The following RNLS variants were observed in gnomAD, a reference collection of about 807,000 sequenced individuals.
RNLS encodes the protein renalase.
In RNLS, 39 loss-of-function variants were observed where a neutral mutation model predicts 39.8. That is an observed-to-expected ratio of 0.98 (90% CI 0.76 to 1.28). The LOEUF (loss-of-function observed/expected upper bound fraction) is 1.28. Among genes scored for constraint, RNLS ranks in the 50% most tolerant of loss-of-function variants. RNLS has a pLI of 0.00. For missense variants in RNLS, 410 were observed against 413.3 expected, an observed-to-expected ratio of 0.99 and a Z score of 0.07; for synonymous variants, 147 against 150.7, an observed-to-expected ratio of 0.98 and a Z score of 0.18.
At chr10:88,570,426 A>T (rs1849756364) in intron 4 of RNLS, among the ~76,000 whole-genome samples, 1 of 152,216 alleles carries the variant, frequency 6.6e-6, no homozygotes, top group Admixed American at 6.5e-5. Context: ...TTTTGGAAAC[A>T]CATTCATTCA....
At chr10:88,317,522 T>C (rs1845849434) in intron 5 of RNLS, among the ~76,000 whole-genome samples, 1 of 152,240 alleles carries the variant, frequency 6.6e-6, no homozygotes, top group African/African-American at 2.4e-5. Flanking sequence ...AATGGAAGAC[T>C]ATTCCTGGGT....
At chr10:88,245,306 A>G in the RNLS span, among the ~76,000 whole-genome samples, 1 of 152,196 alleles carries the variant, frequency 6.6e-6, no homozygotes, top group East Asian at 1.9e-4. Flanking sequence ...GTTCGTTCAA[A>G]AGATCTGAGA....
intron 4 of RNLS, among the ~76,000 whole-genome samples, chr10:88,396,406 A>G (rs948397815): frequency 5.3e-5 from 8 of 151,866 alleles, no homozygotes; most frequent in Non-Finnish European, 1.2e-4. Flanking sequence ...AATCCAAACT[A>G]GATTGTTGTA....
At chr10:88,241,405 A>G in the RNLS span, among the ~76,000 whole-genome samples, 1 of 152,190 alleles carries the variant, frequency 6.6e-6, no homozygotes, top group Non-Finnish European at 1.5e-5. Flanking sequence ...TAAAAATTGT[A>G]CAATGTATCT....
chr10:88,360,196 C>G (rs1031049883), intron 5 of RNLS, among the ~76,000 whole-genome samples: 2 of 152,156 alleles, frequency 1.3e-5, no homozygotes, highest in African/African-American at 4.8e-5. Flanking sequence ...GTACTTCCTT[C>G]CTTCTTCCTA....
At chr10:88,382,974 C>T (rs1237741234) in intron 4 of RNLS, among the ~76,000 whole-genome samples, 2 of 152,068 alleles carry the variant, frequency 1.3e-5, no homozygotes, top group African/African-American at 2.4e-5. Context: ...TTTAATTGTA[C>T]AAATTCATAT....
intron 1 of RNLS, among the ~76,000 whole-genome samples, 196 bp from the exon 2 acceptor site, chr10:88,582,503 T>C (rs899925204): frequency 6.6e-6 from 1 of 152,198 alleles, no homozygotes; most frequent in African/African-American, 2.4e-5. Flanking sequence ...ACCATTATAG[T>C]GCATATATTT....
chr10:88,535,836 A>T (rs1167655635), intron 4 of RNLS, among the ~76,000 whole-genome samples: 1 of 152,220 alleles, frequency 6.6e-6, no homozygotes, highest in Admixed American at 6.5e-5. Context: ...TGGAAATGGC[A>T]TATCTCAGAT....
At chr10:88,195,091 C>A in the RNLS span, among the ~76,000 whole-genome samples, 1 of 152,180 alleles carries the variant, frequency 6.6e-6, no homozygotes, top group South Asian at 2.1e-4. Context: ...GTGTAAGCAT[C>A]CAATGCATTC....
the RNLS span, among the ~76,000 whole-genome samples, chr10:88,225,742 C>T: frequency 6.6e-6 from 1 of 151,998 alleles, no homozygotes; most frequent in Non-Finnish European, 1.5e-5. Flanking sequence ...TAAAATAAAA[C>T]AAGTAGGGAC....
At chr10:88,526,162 T>C (rs1434343375) in intron 4 of RNLS, among the ~76,000 whole-genome samples, 1 of 151,968 alleles carries the variant, frequency 6.6e-6, no homozygotes, top group Non-Finnish European at 1.5e-5. Flanking sequence ...GTAGGTCTTT[T>C]GATTTTATAA....
the RNLS span, among the ~76,000 whole-genome samples, chr10:88,200,850 G>A: frequency 2.0e-5 from 3 of 152,136 alleles, no homozygotes; most frequent in East Asian, 5.8e-4. Flanking sequence ...TTATCTCCTG[G>A]TCCCGGGAAG....
At chr10:88,537,438 G>C (rs911373221) in intron 4 of RNLS, among the ~76,000 whole-genome samples, 1 of 152,150 alleles carries the variant, frequency 6.6e-6, no homozygotes, top group African/African-American at 2.4e-5. Context: ...TAATAGTACA[G>C]ACTGGAAAAC....
chr10:88,413,132 G>C (rs1853798496), intron 4 of RNLS, among the ~76,000 whole-genome samples: 1 of 152,094 alleles, frequency 6.6e-6, no homozygotes, highest in Non-Finnish European at 1.5e-5. Flanking sequence ...TTGAGACAAA[G>C]GTTTCCTGGT....
chr10:88,264,069 C>T, the RNLS span, among the ~76,000 whole-genome samples: 3 of 152,148 alleles, frequency 2.0e-5, no homozygotes, highest in Admixed American at 6.5e-5. Context: ...GAACATATGA[C>T]GTTTGGTTTT....
chr10:88,433,109 G>A (rs1855232626), intron 4 of RNLS, among the ~76,000 whole-genome samples: 1 of 152,012 alleles, frequency 6.6e-6, no homozygotes, highest in African/African-American at 2.4e-5. Context: ...GTAAAATAAA[G>A]AGAAACTCCA....
chr10:88,174,376 A>G, the RNLS span, among the ~76,000 whole-genome samples: 1 of 152,138 alleles, frequency 6.6e-6, no homozygotes, highest in Non-Finnish European at 1.5e-5. Context: ...TTCCCCATAC[A>G]GTATAATGTT....
At chr10:88,476,034 C>T (rs1221770882) in intron 4 of RNLS, among the ~76,000 whole-genome samples, 1 of 152,120 alleles carries the variant, frequency 6.6e-6, no homozygotes, top group African/African-American at 2.4e-5. Flanking sequence ...TCAGGAGACT[C>T]TTCTTACCCT....
At chr10:88,372,145 T>C (rs1217275976) in intron 4 of RNLS, among the ~76,000 whole-genome samples, 2 of 152,136 alleles carry the variant, frequency 1.3e-5, no homozygotes, top group African/African-American at 2.4e-5. Context: ...GATCCTGCCA[T>C]ACTGGGGGCA....
Sources: gnomAD v4.1 joint callset for allele counts (sites outside exome capture counted in the v4.1 genomes callset) on GRCh38, gnomAD v4.1.1 for gene constraint, MANE v1.5 for transcripts, NCBI Gene and HGNC (gene_info 2026-07-23, HGNC 2026-07-21) for gene names.